LRBA: variants seen among roughly 807,000 people sequenced by gnomAD.
LRBA encodes LPS responsive beige-like anchor protein.
A neutral mutation model predicts 330.0 loss-of-function variants in LRBA; 176 were observed. The observed-to-expected ratio is 0.53, with a 90% CI of 0.47 to 0.60. The LOEUF (loss-of-function observed/expected upper bound fraction) is 0.60. Among genes scored for constraint, LRBA ranks in the 20% least tolerant of loss-of-function variants. The pLI is 0.00. For missense variants in LRBA, 3,259 were observed against 3,444.8 expected, an observed-to-expected ratio of 0.95 and a Z score of 1.35; for synonymous variants, 1,230 against 1,193.0, an observed-to-expected ratio of 1.03 and a Z score of -0.64.
At chr4:150,704,577 G>A (rs1785434398) in intron 36 of LRBA, among the ~76,000 whole-genome samples, 1 of 151,792 alleles carries the variant, frequency 6.6e-6, no homozygotes, top group Non-Finnish European at 1.5e-5. Flanking sequence ...ATATAATAGT[G>A]CCAATAACAA....
intron 2 of LRBA, among the ~76,000 whole-genome samples, chr4:150,988,235 T>C (rs1397061410): frequency 6.6e-6 from 1 of 152,060 alleles, no homozygotes; most frequent in Non-Finnish European, 1.5e-5. Flanking sequence ...ACCCTCAAAA[T>C]AGAACAGTAC....
intron 50 of LRBA, among the ~76,000 whole-genome samples, chr4:150,320,193 C>T (rs746073189): frequency 3.9e-5 from 6 of 152,060 alleles, no homozygotes; most frequent in South Asian, 2.1e-4. Flanking sequence ...GCTCAAACTC[C>T]GCCACTGACT....
rs112484557 is a variant in LRBA at position 150,893,656 on chromosome 4, A to G, written c.2068-507T>C. On this transcript the variant is annotated intron_variant, in intron 16 of 56. Transcript: ENST00000651943. ...GAGCCACCGCACCTGACCTCAAAAC[A>G]ATTTCTTTGTTTTTTTGTTTTTTGT... is the stretch of plus-strand genomic sequence containing the variant. Among the ~76,000 whole-genome samples the G allele has an allele frequency of 8.5e-3, 1,296 of 151,850 alleles. 21 individuals carry two copies. The highest frequency in any genetic ancestry group is 0.028 in the African/African-American group (1,158 of 41,390).
chr4:150,733,148 T>C (rs1222950567), intron 36 of LRBA, among the ~76,000 whole-genome samples: 2 of 152,076 alleles, frequency 1.3e-5, no homozygotes, highest in South Asian at 2.1e-4. Context: ...GTTTACATAC[T>C]GACTTGAGAA....
At chr4:150,869,663 G>A (rs2126997166) in intron 20 of LRBA, among the ~76,000 whole-genome samples, 1 of 152,160 alleles carries the variant, frequency 6.6e-6, no homozygotes, top group East Asian at 1.9e-4. Flanking sequence ...CTCTAGTCTG[G>A]GCAACAGAGC....
Position 150,697,326 on chromosome 4 carries a change from A to AAAG in LRBA, c.5755-13610_5755-13609insCTT, listed in dbSNP as rs1491312017. ...GTGACAGAGTGAGACTTTGTCTCAGAAAAAAAAAAAAAAAAAAAAAAAAAA... is the reference window on the plus strand; with the variant it reads ...GTGACAGAGTGAGACTTTGTCTCAGAAAGAAAAAAAAAAAAAAAAAAAAAAAAA... On this transcript the variant is annotated intron_variant, in intron 36 of 56. Transcript: ENST00000651943. 1.1e-3 allele frequency among the ~76,000 whole-genome samples: 72 copies of AAAG among 65,176 alleles called. 9 individuals carry two copies. The highest frequency in any genetic ancestry group is 3.4e-3 in the African/African-American group (61 of 17,874). The allele number at this position is 65,176 out of a possible 152,430, so 42.8% of individuals were successfully genotyped here.
intron 50 of LRBA, among the ~76,000 whole-genome samples, chr4:150,320,759 A>T (rs1732391694): frequency 6.6e-6 from 1 of 152,184 alleles, no homozygotes; most frequent in Non-Finnish European, 1.5e-5. Flanking sequence ...GCGAGCTATG[A>T]TCACACCACT....
intron 40 of LRBA, among the ~76,000 whole-genome samples, chr4:150,550,223 G>A (rs1249470134): frequency 6.6e-6 from 1 of 151,886 alleles, no homozygotes; most frequent in Admixed American, 6.6e-5. Context: ...ATCTTTAATT[G>A]GTCAGTTAAA....
At chr4:150,846,116 C>T (rs992303205) in intron 26 of LRBA, among the ~76,000 whole-genome samples, 1 of 152,096 alleles carries the variant, frequency 6.6e-6, no homozygotes, top group Non-Finnish European at 1.5e-5. Flanking sequence ...ATAGATGGAA[C>T]TGGAGATCAT....
chr4:150,518,359 A>T (rs895622560), intron 40 of LRBA, among the ~76,000 whole-genome samples: 1 of 152,160 alleles, frequency 6.6e-6, no homozygotes, highest in African/African-American at 2.4e-5. Context: ...ACAATATAAA[A>T]CATAAATTGT....
chr4:150,895,098 TAG>T (rs1422277422), intron 16 of LRBA, among the ~76,000 whole-genome samples: 1 of 152,114 alleles, frequency 6.6e-6, no homozygotes, highest in Non-Finnish European at 1.5e-5. Flanking sequence ...AATTATAATA[TAG>T]GAGTATAAAT....
intron 2 of LRBA, among the ~76,000 whole-genome samples, chr4:150,968,963 T>A (rs1401141813): frequency 3.3e-5 from 5 of 152,186 alleles, no homozygotes; most frequent in African/African-American, 1.2e-4. Flanking sequence ...TTATGTTAAA[T>A]GTACTCTGCC....
chr4:150,486,335 T>C (rs1757866452), intron 42 of LRBA, among the ~76,000 whole-genome samples: 1 of 151,916 alleles, frequency 6.6e-6, no homozygotes, highest in Non-Finnish European at 1.5e-5. Context: ...ATTTGGTTTT[T>C]TCTTCCTTTA....
At chr4:150,365,504 A>G (rs990816191) in intron 47 of LRBA, among the ~76,000 whole-genome samples, 11 of 152,108 alleles carry the variant, frequency 7.2e-5, no homozygotes, top group African/African-American at 2.4e-4. Context: ...TGAAAATGTG[A>G]TTTTAGGCTG....
intron 2 of LRBA, among the ~76,000 whole-genome samples, chr4:150,993,152 A>T (rs1742279128): frequency 6.6e-6 from 1 of 152,198 alleles, no homozygotes; most frequent in Non-Finnish European, 1.5e-5. Flanking sequence ...ATTAAAAATA[A>T]GTTTTAAAAA....
chr4:150,885,948 T>C (rs183804096), intron 17 of LRBA, among the ~76,000 whole-genome samples: 21 of 151,952 alleles, frequency 1.4e-4, no homozygotes, highest in African/African-American at 5.1e-4. Flanking sequence ...TAAGAAATAA[T>C]AAAGCCCACC....
intron 37 of LRBA, among the ~76,000 whole-genome samples, chr4:150,602,833 T>C (rs549637026): frequency 2.0e-5 from 3 of 152,302 alleles, no homozygotes; most frequent in South Asian, 4.1e-4. Context: ...GTTATCACCA[T>C]GGTACGATCA....
At chr4:150,532,605 T>C (rs1764162235) in intron 40 of LRBA, among the ~76,000 whole-genome samples, 1 of 152,084 alleles carries the variant, frequency 6.6e-6, no homozygotes, top group Non-Finnish European at 1.5e-5. Flanking sequence ...CAAATGAAAT[T>C]GCTATTTTTA....
intron 17 of LRBA, among the ~76,000 whole-genome samples, chr4:150,881,744 T>A (rs1351966454): frequency 6.6e-6 from 1 of 152,110 alleles, no homozygotes; most frequent in Non-Finnish European, 1.5e-5. Context: ...TTTTAACGTA[T>A]CAAAAAACTA....
Sources: allele counts gnomAD v4.1 joint callset (sites outside exome capture counted in the v4.1 genomes callset), GRCh38; gene constraint gnomAD v4.1.1; transcripts MANE v1.5; gene names NCBI Gene and HGNC (gene_info 2026-07-23, HGNC 2026-07-21).